Variants in LPCAT3 observed in about 807,000 individuals in gnomAD.
LPCAT3 encodes the protein lysophosphatidylcholine acyltransferase 3, also known as lysophospholipid acyltransferase 5.
Under a neutral mutation model 63.4 loss-of-function variants are expected in LPCAT3, and 21 were observed. The ratio of observed to expected loss-of-function variants is 0.33; its 90% CI spans 0.23 to 0.48. LPCAT3 has a LOEUF of 0.48. Among genes scored for constraint, LPCAT3 ranks in the 20% least tolerant of loss-of-function variants. The probability of loss-of-function intolerance (pLI) is 0.99; values close to 1 mark genes in which losing one functional copy is unlikely to be tolerated. For missense variants in LPCAT3, 451 were observed against 590.6 expected (o/e 0.76, Z 2.45); for synonymous variants, 242 against 227.5 (o/e 1.06, Z -0.58).
At chr12:7,008,853 A>G (rs936727167) in intron 1 of LPCAT3, among the ~76,000 whole-genome samples, 1 of 152,056 alleles carries the variant, frequency 6.6e-6, no homozygotes, top group African/African-American at 2.4e-5. Flanking sequence ...CATAATAACA[A>G]TGTGAACATA....
rs897042977 is a variant in LPCAT3, at chr12:7,001,336, A to G, written c.151+16938T>C. 8 of 416,596 alleles carry G rather than the reference A, an allele frequency of 1.9e-5. No individual in the cohort carries two copies. In the Admixed American group the frequency reaches 2.5e-4, roughly 13 times the overall value. 25.8% of individuals were successfully genotyped at this position (416,596 alleles called of 1,614,324 possible). A position where few individuals can be genotyped will look rare whatever the true frequency, so the allele number is the denominator to read the frequency against. On this transcript the variant is annotated intron_variant, in intron 1 of 12. Transcript: ENST00000261407. ...TATTTTTGTATTCTTTTTCTTAAAGAAGATATCCAAGATTGTATAAGCTTC... is the reference window on the plus strand; with the variant it reads ...TATTTTTGTATTCTTTTTCTTAAAGGAGATATCCAAGATTGTATAAGCTTC...
At chr12:7,011,193 C>T (rs1213987798) in intron 1 of LPCAT3, among the ~76,000 whole-genome samples, 2 of 152,030 alleles carry the variant, frequency 1.3e-5, no homozygotes, top group Admixed American at 6.6e-5. Context: ...TGCCACCCAG[C>T]CCAGTTAATT....
rs1410238066 is a variant in LPCAT3, at chr12:7,017,557, A to G, written c.151+717T>C. Among the ~76,000 whole-genome samples, 1 of 152,232 alleles carries G rather than the reference A, an allele frequency of 6.6e-6. No individual in the cohort carries two copies. Among genetic ancestry groups the G allele is most frequent in the African/African-American group, 2.4e-5 (1 of 41,468 alleles). On this transcript the variant is annotated intron_variant, in intron 1 of 12. Transcript: ENST00000261407. This position sits in a 1 kb window ranked among gnomAD's most constrained non-coding sequence, Gnocchi z 4.1. The stretch of plus-strand genomic sequence containing the variant: ...AAAGCCTATAAACCAGTTGTAATAC[A>G]GCTTGTTGTGGCATAAATTCAGATA...
At chr12:6,978,818 A>G (rs1946438314) in intron 7 of LPCAT3, 129 bp from the exon 8 acceptor site, 13 of 1,359,088 alleles carry the variant, frequency 9.6e-6, no homozygotes, top group Non-Finnish European at 1.2e-5. Flanking sequence ...GATGCCCTCA[A>G]TAGTCTGGCC....
In LPCAT3 at chr12:6,977,105, G is replaced by A. The variant is rs1555153304; in HGVS notation, c.*12+29C>T. The A allele has an allele frequency of 7.7e-7, 1 of 1,299,790 alleles. No homozygotes were observed. The highest frequency in any genetic ancestry group is 1.1e-6 in the Non-Finnish European group (1 of 894,922). 80.5% of individuals were successfully genotyped at this position (1,299,790 alleles called of 1,614,324 possible). A position where few individuals can be genotyped will look rare whatever the true frequency, so the allele number is the denominator to read the frequency against. ...TGTTGCTCTATTCTGTAACCTGGTG[G>A]TAGTTTTAGTTTAGCTGTATTAACT... On this transcript the variant is annotated intron_variant, in intron 12 of 12. Coordinates refer to ENST00000261407, the MANE Select transcript of LPCAT3 (RefSeq NM_005768.6). This position sits in a 1 kb window ranked among gnomAD's most constrained non-coding sequence, Gnocchi z 4.5.
In LPCAT3 at chr12:6,977,531, G is replaced by A. The variant is rs1478029098; in HGVS notation, c.1189-6C>T. ...TCTTGAATGAGCCTGGCAGCCTGGG[G>A]AGGGAGGAGGAGCTCATCAGCATCT... On this transcript the variant is annotated splice_region_variant and splice_polypyrimidine_tract_variant and intron_variant, in intron 10 of 12. Coordinates refer to ENST00000261407, the MANE Select transcript of LPCAT3 (RefSeq NM_005768.6). The surrounding 1 kb of genome is among the most constrained non-coding windows in gnomAD (Gnocchi z 4.5). 2.5e-6 allele frequency: 4 copies of A among 1,614,074 alleles called. No homozygotes were observed. Among genetic ancestry groups the A allele is most frequent in the Non-Finnish European group, 2.5e-6 (3 of 1,180,040 alleles).
In LPCAT3 at chr12:7,018,335, C is replaced by T. The variant is rs1555157781; in HGVS notation, c.90G>A (p.Lys30=). ...QSGFQELSLN[K]LATSLGASEQ... ...CTGACGCGCCCAGGGACGTCGCCAA[C>T]TTGTTAAGGCTCAGCTCCTGGAAAC... The change falls in exon 1 of 13, where the codon AAG becomes AAA. Residue 30 remains lysine, a synonymous_variant. Coordinates refer to ENST00000261407, the MANE Select transcript of LPCAT3 (RefSeq NM_005768.6). The surrounding 1 kb of genome is among the most constrained non-coding windows in gnomAD (Gnocchi z 4.9). The T allele has an allele frequency of 6.2e-7, 1 of 1,611,660 alleles. No individual in the cohort carries two copies. The highest frequency in any genetic ancestry group is 2.2e-5 in the East Asian group (1 of 44,788).
At chr12:6,980,455 A>G (rs1471055642) in intron 6 of LPCAT3, among the ~76,000 whole-genome samples, 1 of 152,128 alleles carries the variant, frequency 6.6e-6, no homozygotes, top group Non-Finnish European at 1.5e-5. Context: ...CCCTGGACTC[A>G]AGCAATTCTC....
chr12:7,000,829 C>T (rs1946680136), intron 1 of LPCAT3, among the ~76,000 whole-genome samples: 2 of 151,838 alleles, frequency 1.3e-5, no homozygotes, highest in African/African-American at 4.8e-5. Flanking sequence ...GCCTCAGCCT[C>T]CTGGGTAGCT....
In LPCAT3 at chr12:7,018,257, G is replaced by A. The variant is rs781871556; in HGVS notation, c.151+17C>T. On this transcript the variant is annotated intron_variant, in intron 1 of 12. Transcript: ENST00000261407. The surrounding 1 kb of genome is among the most constrained non-coding windows in gnomAD (Gnocchi z 4.9). The stretch of plus-strand genomic sequence containing the variant: ...GGGGACTCCGCGAGGGGCGGAGGGA[G>A]GCAGGAGGGTCCTTACCCAGGAAGA... 3.8e-6 allele frequency: 6 copies of A among 1,587,552 alleles called. No homozygotes were observed. The highest frequency in any genetic ancestry group is 1.7e-4 in the Middle Eastern group (1 of 5,998).
In LPCAT3 at chr12:6,978,749, C is replaced by T. The variant is rs1426992603; in HGVS notation, c.787-60G>A. The T allele has an allele frequency of 1.2e-5, 19 of 1,589,250 alleles. No homozygotes were observed. The African/African-American group carries it at 2.1e-4, about 17-fold the overall frequency. ...CACATGACTAGGCAGTTTCTCTCAGCACTCTTCCTTTTCACACTTGTGGCT... is the reference window on the plus strand; with the variant it reads ...CACATGACTAGGCAGTTTCTCTCAGTACTCTTCCTTTTCACACTTGTGGCT... On this transcript the variant is annotated intron_variant, in intron 7 of 12. Coordinates refer to ENST00000261407, the MANE Select transcript of LPCAT3 (RefSeq NM_005768.6).
rs187418553 is a variant in LPCAT3 at position 6,985,321 on chromosome 12, G to A, written c.152-1782C>T. On this transcript the variant is annotated intron_variant, in intron 1 of 12. Transcript: ENST00000261407. ...TGAGGCAGGAGAATGGCATGAACAC[G>A]GGAGGCGGAGCTTGCAGTGAGCTGA... 1.7e-3 allele frequency among the ~76,000 whole-genome samples: 260 copies of A among 151,888 alleles called. 1 individual carries two copies. The South Asian group carries it at 0.03, about 18-fold the overall frequency.
Position 6,977,102 on chromosome 12 carries a change from G to A in LPCAT3, c.*12+32C>T, listed in dbSNP as rs782665704. The A allele has an allele frequency of 7.9e-7, 1 of 1,272,882 alleles. No individual in the cohort carries two copies. Among genetic ancestry groups the A allele is most frequent in the African/African-American group, 1.5e-5 (1 of 68,076 alleles). The allele number at this position is 1,272,882 out of a possible 1,614,324, so 78.8% of individuals were successfully genotyped here. Reference sequence around the variant, plus strand: ...GTCTGTTGCTCTATTCTGTAACCTGGTGGTAGTTTTAGTTTAGCTGTATTA... The same window carrying A: ...GTCTGTTGCTCTATTCTGTAACCTGATGGTAGTTTTAGTTTAGCTGTATTA... On this transcript the variant is annotated intron_variant, in intron 12 of 12. Coordinates refer to ENST00000261407, the MANE Select transcript of LPCAT3 (RefSeq NM_005768.6). This position sits in a 1 kb window ranked among gnomAD's most constrained non-coding sequence, Gnocchi z 4.5.
chr12:6,994,655 A>C (rs1591552724), intron 1 of LPCAT3, among the ~76,000 whole-genome samples: 1 of 151,818 alleles, frequency 6.6e-6, no homozygotes, highest in Non-Finnish European at 1.5e-5. Flanking sequence ...GAGTTTCACC[A>C]TGTTGCTCAG....
chr12:6,999,490 C>A (rs1372667849), intron 1 of LPCAT3, among the ~76,000 whole-genome samples: 2 of 152,200 alleles, frequency 1.3e-5, no homozygotes, highest in African/African-American at 2.4e-5. Flanking sequence ...CAAAGGCCTA[C>A]CAAAATTCTT....
At chr12:7,007,115 C>T (rs1555156902) in intron 1 of LPCAT3, among the ~76,000 whole-genome samples, 1 of 152,014 alleles carries the variant, frequency 6.6e-6, no homozygotes, top group African/African-American at 2.4e-5. Context: ...GCGATCTCGG[C>T]TCACTGCAAC....
chr12:7,007,706 A>G (rs1946736964), intron 1 of LPCAT3, among the ~76,000 whole-genome samples: 1 of 149,814 alleles, frequency 6.7e-6, no homozygotes, highest in African/African-American at 2.5e-5. Flanking sequence ...TGTTGGTCAG[A>G]CCAGTCTCAA....
rs1555153405 is a variant in LPCAT3 at position 6,977,447 on chromosome 12, C to G, written c.1267G>C (p.Val423Leu). 2.5e-6 allele frequency: 4 copies of G among 1,614,138 alleles called. No individual in the cohort carries two copies. Among genetic ancestry groups the G allele is most frequent in the Non-Finnish European group, 3.4e-6 (4 of 1,180,032 alleles). The stretch of plus-strand genomic sequence containing the variant: ...AAGAGCCAGTGGATGGTCTGTTGCA[C>G]CAAATAGTAGAAGGGCTGGAGGACA... ...ITVLQPFYYLVQQTIHWLFMG... is the reference protein window; with the variant it reads ...ITVLQPFYYLLQQTIHWLFMG... Residue 423 changes from valine (V) to leucine (L), a missense_variant, in exon 11 of 13, where the codon GTG becomes CTG. Coordinates refer to ENST00000261407, the MANE Select transcript of LPCAT3 (RefSeq NM_005768.6). This position sits in a 1 kb window ranked among gnomAD's most constrained non-coding sequence, Gnocchi z 4.5.
chr12:6,989,678 G>C (rs956488892), intron 1 of LPCAT3, among the ~76,000 whole-genome samples: 1 of 152,148 alleles, frequency 6.6e-6, no homozygotes, highest in Non-Finnish European at 1.5e-5. Flanking sequence ...CAAGCACAGG[G>C]AGTGGATAGA....
Sources: allele counts gnomAD v4.1 joint callset (sites outside exome capture counted in the v4.1 genomes callset), GRCh38; gene constraint gnomAD v4.1.1; non-coding constraint Gnocchi (gnomAD v3.1); transcripts MANE v1.5; gene names NCBI Gene and HGNC (gene_info 2026-07-23, HGNC 2026-07-21).